SPATA31E1: variants seen among roughly 807,000 people sequenced by gnomAD.
SPATA31E1 encodes SPATA31 subfamily E member 1, also known as spermatogenesis-associated protein 31E1.
In SPATA31E1, 7 loss-of-function variants were observed where a neutral mutation model predicts 12.9. That is an observed-to-expected ratio of 0.54 (90% CI 0.31 to 1.02). The LOEUF is 1.02. Among genes scored for constraint, SPATA31E1 ranks in the 50% least tolerant of loss-of-function variants. The probability of loss-of-function intolerance (pLI) is 0.05; values close to 1 mark genes in which losing one functional copy is unlikely to be tolerated. For missense variants in SPATA31E1, 1,961 were observed against 1,799.8 expected, an observed-to-expected ratio of 1.09 and a Z score of -1.62; for synonymous variants, 771 against 719.0, an observed-to-expected ratio of 1.07 and a Z score of -1.16.
Position 87,885,866 on chromosome 9 carries a change from A to T in SPATA31E1, c.1379A>T (p.Asn460Ile), listed in dbSNP as rs1025197838. The change falls in exon 4 of 4, where the codon AAC (asparagine) becomes ATC (isoleucine). Residue 460 changes from asparagine to isoleucine, a missense_variant. Transcript: ENST00000325643. ...SLATTVWVSR[N>I]PSSQNAHSVP... ...GCGACCACAGTCTGGGTTTCTAGGA[A>T]CCCTTCCTCACAGAATGCACACTCT... 1.9e-6 allele frequency: 3 copies of T among 1,613,752 alleles called. No homozygotes were observed. The highest frequency in any genetic ancestry group is 1.7e-6 in the Non-Finnish European group (2 of 1,180,010).
At position 87,886,596 on chromosome 9, in the gene SPATA31E1, T is replaced by C. The variant is rs768711621; in HGVS notation, c.2109T>C (p.Ser703=). 3 of 1,613,874 alleles carry C rather than the reference T, an allele frequency of 1.9e-6. No individual in the cohort carries two copies. Among genetic ancestry groups the C allele is most frequent in the Non-Finnish European group, 2.5e-6 (3 of 1,180,024 alleles). The change falls in exon 4 of 4, where the codon TCT becomes TCC. Residue 703 remains serine, a synonymous_variant. Transcript: ENST00000325643. The part of the protein sequence containing the change: ...KTGFRSSGRF[S]DKGCLGSKLG... ...GGTTCAGGAGCTCCGGAAGGTTCTC[T>C]GACAAGGGGTGCTTAGGGTCCAAAC...
At position 87,883,205 on chromosome 9, in the gene SPATA31E1, G is replaced by A; in HGVS notation, c.309+5G>A. 1 of 1,569,696 alleles carries A rather than the reference G, an allele frequency of 6.4e-7. No individual in the cohort carries two copies. Among genetic ancestry groups the A allele is most frequent in the Non-Finnish European group, 8.7e-7 (1 of 1,153,096 alleles). ...AGGAAGAGGAGCAGCAGGGAGGTAA[G>A]GAGTCCTCAGCCCAGCCCCACAGAG... On this transcript the variant is annotated splice_donor_5th_base_variant and intron_variant, in intron 1 of 3. Coordinates refer to ENST00000325643, the MANE Select transcript of SPATA31E1 (RefSeq NM_178828.5).
chr9:87,888,467 T>C lies in SPATA31E1; in HGVS notation c.3980T>C (p.Leu1327Pro). 6.2e-7 allele frequency: 1 copy of C among 1,614,162 alleles called. No homozygotes were observed. The highest frequency in any genetic ancestry group is 8.5e-7 in the Non-Finnish European group (1 of 1,180,020). The change falls in exon 4 of 4, where the codon CTG becomes CCG. Residue 1327 changes from leucine (L) to proline (P), a missense_variant. Coordinates refer to ENST00000325643, the MANE Select transcript of SPATA31E1 (RefSeq NM_178828.5). ...ATCAGCAGAGTTGTGGGACAAATCCTGGTGGACAAACTGGGGCTTCAGTGG... is the reference window on the plus strand; with the variant it reads ...ATCAGCAGAGTTGTGGGACAAATCCCGGTGGACAAACTGGGGCTTCAGTGG... Reference protein sequence around the residue: ...WTISRVVGQILVDKLGLQWGR... With the variant: ...WTISRVVGQIPVDKLGLQWGR...
At position 87,883,853 on chromosome 9, in the gene SPATA31E1, A is replaced by G. The variant is rs372658127; in HGVS notation, c.310-139A>G. 9 of 878,410 alleles carry G rather than the reference A, an allele frequency of 1.0e-5. 1 individual carries two copies. The highest frequency in any genetic ancestry group is 3.5e-6 in the Non-Finnish European group (2 of 574,728). The allele number at this position is 878,410 out of a possible 1,614,324, so 54.4% of individuals were successfully genotyped here. On this transcript the variant is annotated intron_variant, in intron 1 of 3. Coordinates refer to ENST00000325643, the MANE Select transcript of SPATA31E1 (RefSeq NM_178828.5). ...AGAAAACATTTCATTCACGGTAAAC[A>G]TGAGTAAAAAGCACACACAGAGCTC...
Position 87,886,336 on chromosome 9 carries a change from G to A in SPATA31E1, c.1849G>A (p.Gly617Arg), listed in dbSNP as rs770273431. 8.2e-5 allele frequency: 133 copies of A among 1,613,474 alleles called. No homozygotes were observed. The highest frequency in any genetic ancestry group is 1.1e-4 in the Non-Finnish European group (127 of 1,179,938). ...WSPKSAPILP[G>R]VVTSPELPEH... ...CCCCAAGTCAGCCCCCATCCTTCCC[G>A]GGGTTGTCACCAGCCCTGAGCTCCC... The change falls in exon 4 of 4, where the codon GGG becomes AGG. Residue 617 changes from glycine (G) to arginine (R), a missense_variant. Physicochemically the swap from Gly to Arg is moderately radical, Grantham distance 125. Transcript: ENST00000325643.
At position 87,884,988 on chromosome 9, in the gene SPATA31E1, AC is replaced by A. The variant is rs777027561; in HGVS notation, c.503del (p.Pro168GlnfsTer40). On this transcript the variant is annotated frameshift_variant, in exon 4 of 4. Coordinates refer to ENST00000325643, the MANE Select transcript of SPATA31E1 (RefSeq NM_178828.5). LOFTEE classifies it low-confidence loss of function (END_TRUNC). The part of the protein sequence containing the change: ...GGDPLGDVCK[P>X]VPAKAHQPHG... Reference sequence around the variant, plus strand: ...GAGACCCCCTGGGGGACGTGTGTAAACCAGTGCCTGCTAAGGCCCACCAGCC... The same window carrying A: ...GAGACCCCCTGGGGGACGTGTGTAAACAGTGCCTGCTAAGGCCCACCAGCC... The A allele has an allele frequency of 1.2e-6, 2 of 1,613,962 alleles. No homozygotes were observed. Among genetic ancestry groups the A allele is most frequent in the Admixed American group, 3.3e-5 (2 of 60,008 alleles).
chr9:87,885,024 A>G lies in SPATA31E1; in HGVS notation c.537A>G (p.Lys179=). 6.2e-7 allele frequency: 1 copy of G among 1,613,968 alleles called. No homozygotes were observed. The highest frequency in any genetic ancestry group is 2.2e-5 in the East Asian group (1 of 44,854). Reference sequence around the variant, plus strand: ...CTAAGGCCCACCAGCCGCATGGGAAATGCATGCAAGATCCGTCTCCTGCCA... The same window carrying G: ...CTAAGGCCCACCAGCCGCATGGGAAGTGCATGCAAGATCCGTCTCCTGCCA... ...VPAKAHQPHG[K]CMQDPSPASL... is the part of the protein sequence containing the mutation. Residue 179 remains lysine, a synonymous_variant, in exon 4 of 4, where the codon AAA becomes AAG. Transcript: ENST00000325643.
Position 87,885,946 on chromosome 9 carries a change from T to C in SPATA31E1, c.1459T>C (p.Ser487Pro). 6.2e-7 allele frequency: 1 copy of C among 1,613,840 alleles called. No individual in the cohort carries two copies. The highest frequency in any genetic ancestry group is 8.5e-7 in the Non-Finnish European group (1 of 1,180,000). ...SLPGEPEVEASSQLSQAPPQP... is the reference protein window; with the variant it reads ...SLPGEPEVEAPSQLSQAPPQP... ...TCCAGGTGAACCTGAGGTTGAGGCA[T>C]CCTCACAGCTTTCCCAGGCACCGCC... The change falls in exon 4 of 4, where the codon TCC becomes CCC. Residue 487 changes from serine to proline, a missense_variant. Ser to Pro is a moderately conservative substitution (Grantham distance 74). Transcript: ENST00000325643.
chr9:87,887,201 A>G lies in SPATA31E1; in HGVS notation c.2714A>G (p.Asp905Gly). The G allele has an allele frequency of 1.2e-6, 2 of 1,613,988 alleles. No homozygotes were observed. The highest frequency in any genetic ancestry group is 1.7e-6 in the Non-Finnish European group (2 of 1,180,016). The change falls in exon 4 of 4, where the codon GAC (aspartate) becomes GGC (glycine). Residue 905 changes from aspartate (D) to glycine (G), a missense_variant. Transcript: ENST00000325643. ...LGKRPQNGPGDNRTTSKSVPT... is the reference protein window; with the variant it reads ...LGKRPQNGPGGNRTTSKSVPT... ...AAACGTCCTCAGAATGGTCCAGGAG[A>G]CAACAGAACAACAAGCAAGTCAGTC...
Position 87,886,076 on chromosome 9 carries a change from C to G in SPATA31E1, c.1589C>G (p.Pro530Arg). 6.2e-7 allele frequency: 1 copy of G among 1,609,614 alleles called. No homozygotes were observed. The highest frequency in any genetic ancestry group is 1.1e-5 in the South Asian group (1 of 90,600). Residue 530 changes from proline (P) to arginine (R), a missense_variant, in exon 4 of 4, where the codon CCT becomes CGT. Pro to Arg is a moderately radical substitution (Grantham distance 103). Coordinates refer to ENST00000325643, the MANE Select transcript of SPATA31E1 (RefSeq NM_178828.5). ...CAGACCCAGGCCCACCTCTCACCCCCTGTCCCAAGCCTGGGGTGCTCTTCT... is the reference window on the plus strand; with the variant it reads ...CAGACCCAGGCCCACCTCTCACCCCGTGTCCCAAGCCTGGGGTGCTCTTCT... ...EIQTQAHLSP[P>R]VPSLGCSSPP...
In SPATA31E1 at chr9:87,883,068, T is replaced by A; in HGVS notation, c.177T>A (p.Pro59=). 1 of 1,613,096 alleles carries A rather than the reference T, an allele frequency of 6.2e-7. No homozygotes were observed. The highest frequency in any genetic ancestry group is 1.1e-5 in the South Asian group (1 of 90,726). Residue 59 remains proline, a synonymous_variant, in exon 1 of 4, where the codon CCT becomes CCA. Coordinates refer to ENST00000325643, the MANE Select transcript of SPATA31E1 (RefSeq NM_178828.5). ...GCCCTAGTGCCACATGGCTGAGCCC[T>A]AGCTCCACTCCCTGGATGATGGATT... ...LKSPSATWLS[P]SSTPWMMDFI...
chr9:87,886,545 G>T lies in SPATA31E1; in HGVS notation c.2058G>T (p.Lys686Asn), dbSNP rs35845134. ...CCCAGCCTTCTGACTTTGCAGGGAA[G>T]GGCAGGAAGGATGTGCAGAAGACCG... ...LPSQPSDFAG[K>N]GRKDVQKTGF... The change falls in exon 4 of 4, where the codon AAG (lysine) becomes AAT (asparagine). Residue 686 changes from lysine to asparagine, a missense_variant. Coordinates refer to ENST00000325643, the MANE Select transcript of SPATA31E1 (RefSeq NM_178828.5). 8.8e-4 allele frequency: 1,419 copies of T among 1,613,992 alleles called. 1 individual carries two copies. The highest frequency in any genetic ancestry group is 1.2e-3 in the Non-Finnish European group (1,359 of 1,179,940).
In SPATA31E1 at chr9:87,887,920, C is replaced by A; in HGVS notation, c.3433C>A (p.Pro1145Thr). 1 of 1,613,898 alleles carries A rather than the reference C, an allele frequency of 6.2e-7. No homozygotes were observed. ...CATGCTCACTGCCGCAGACAGGCTG[C>A]CCACTCAAGCCCCTCTGTCCACCTC... ...MDMLTAADRL[P>T]TQAPLSTSQS... Residue 1145 changes from proline to threonine, a missense_variant, in exon 4 of 4, where the codon CCC becomes ACC. Transcript: ENST00000325643.
Position 87,885,194 on chromosome 9 carries a change from C to A in SPATA31E1, c.707C>A (p.Thr236Asn), listed in dbSNP as rs763934598. The A allele has an allele frequency of 2.5e-6, 4 of 1,614,022 alleles. No homozygotes were observed. The Admixed American group carries it at 6.7e-5, about 27-fold the overall frequency. Residue 236 changes from threonine to asparagine, a missense_variant, in exon 4 of 4, where the codon ACC (threonine) becomes AAC (asparagine). Transcript: ENST00000325643. Reference sequence around the variant, plus strand: ...TTGCTTCCCCTAAAATGCCCTGCAACCCAGCCACATGTGGTTTTTCCTCCT... The same window carrying A: ...TTGCTTCCCCTAAAATGCCCTGCAAACCAGCCACATGTGGTTTTTCCTCCT... ...EPLLPLKCPA[T>N]QPHVVFPPSP...
At position 87,885,956 on chromosome 9, in the gene SPATA31E1, T is replaced by C; in HGVS notation, c.1469T>C (p.Leu490Pro). The change falls in exon 4 of 4, where the codon CTT becomes CCT. Residue 490 changes from leucine (L) to proline (P), a missense_variant. Transcript: ENST00000325643. ...CCTGAGGTTGAGGCATCCTCACAGC[T>C]TTCCCAGGCACCGCCCCAGCCCCAC... Reference protein sequence around the residue: ...GEPEVEASSQLSQAPPQPHHM... With the variant: ...GEPEVEASSQPSQAPPQPHHM... The C allele has an allele frequency of 6.2e-7, 1 of 1,613,718 alleles. No individual in the cohort carries two copies. The highest frequency in any genetic ancestry group is 8.5e-7 in the Non-Finnish European group (1 of 1,180,004).
rs765620129 is a variant in SPATA31E1, at chr9:87,885,416, G to A, written c.929G>A (p.Arg310Lys). The A allele has an allele frequency of 8.7e-6, 14 of 1,613,842 alleles. No individual in the cohort carries two copies. In the South Asian group the frequency reaches 1.4e-4, roughly 16 times the overall value. Residue 310 changes from arginine to lysine, a missense_variant, in exon 4 of 4, where the codon AGG (arginine) becomes AAG (lysine). By Grantham distance (26) the Arg-to-Lys change is conservative. Coordinates refer to ENST00000325643, the MANE Select transcript of SPATA31E1 (RefSeq NM_178828.5). The part of the protein sequence containing the change: ...SDPIWDLYCW[R>K]EAATTWGLST... ...CCCATCTGGGACCTCTATTGCTGGAGGGAGGCTGCCACCACCTGGGGCCTC... is the reference window on the plus strand; with the variant it reads ...CCCATCTGGGACCTCTATTGCTGGAAGGAGGCTGCCACCACCTGGGGCCTC...
rs556697258 is a variant in SPATA31E1, at chr9:87,884,017, C to T, written c.335C>T (p.Ser112Phe). ...REPQRERSGR[S>F]RSRKISALKA... Reference sequence around the variant, plus strand: ...CCTCAAAGGGAGAGAAGCGGGAGGTCCAGGAGCAGGAAGATCTCAGCTCTG... The same window carrying T: ...CCTCAAAGGGAGAGAAGCGGGAGGTTCAGGAGCAGGAAGATCTCAGCTCTG... Residue 112 changes from serine (S) to phenylalanine (F), a missense_variant, in exon 2 of 4, where the codon TCC (serine) becomes TTC (phenylalanine). Coordinates refer to ENST00000325643, the MANE Select transcript of SPATA31E1 (RefSeq NM_178828.5). 5.6e-6 allele frequency: 9 copies of T among 1,607,382 alleles called. No homozygotes were observed. The East Asian group carries it at 2.0e-4, about 36-fold the overall frequency.
In SPATA31E1 at chr9:87,887,317, G is replaced by A. The variant is rs773098105; in HGVS notation, c.2830G>A (p.Gly944Arg). 7 of 1,613,720 alleles carry A rather than the reference G, an allele frequency of 4.3e-6. No individual in the cohort carries two copies. The highest frequency in any genetic ancestry group is 5.9e-6 in the Non-Finnish European group (7 of 1,180,042). Residue 944 changes from glycine (G) to arginine (R), a missense_variant, in exon 4 of 4, where the codon GGG becomes AGG. Transcript: ENST00000325643. ...AGGGTCCCAGTCAGCTGATACCCATGGGCGATCAGAGGCCTTTCCGACTGG... is the reference window on the plus strand; with the variant it reads ...AGGGTCCCAGTCAGCTGATACCCATAGGCGATCAGAGGCCTTTCCGACTGG... ...PRGSQSADTHGRSEAFPTGHK... is the reference protein window; with the variant it reads ...PRGSQSADTHRRSEAFPTGHK...
chr9:87,886,137 T>C lies in SPATA31E1; in HGVS notation c.1650T>C (p.Pro550=). Reference sequence around the variant, plus strand: ...TTAGGGGCTGTGGGGCATCTTACCCTACATCCCAGGAGAGGACACAGTCTG... The same window carrying C: ...TTAGGGGCTGTGGGGCATCTTACCCCACATCCCAGGAGAGGACACAGTCTG... The part of the protein sequence containing the change: ...PQIRGCGASY[P]TSQERTQSVI... The change falls in exon 4 of 4, where the codon CCT becomes CCC. Residue 550 remains proline (P), a synonymous_variant. Coordinates refer to ENST00000325643, the MANE Select transcript of SPATA31E1 (RefSeq NM_178828.5). 2.5e-6 allele frequency: 4 copies of C among 1,602,816 alleles called. No homozygotes were observed. Among genetic ancestry groups the C allele is most frequent in the South Asian group, 1.1e-5 (1 of 89,452 alleles).
Sources: allele counts gnomAD v4.1 joint callset, GRCh38; gene constraint gnomAD v4.1.1; transcripts MANE v1.5; gene names NCBI Gene and HGNC (gene_info 2026-07-23, HGNC 2026-07-21).